LHFPL2: variants seen among roughly 807,000 people sequenced by gnomAD.
LHFPL2 encodes LHFPL tetraspan subfamily member 2 protein.
A neutral mutation model predicts 17.5 loss-of-function variants in LHFPL2; 7 were observed. The observed-to-expected ratio is 0.40, with a 90% CI of 0.23 to 0.75. The LOEUF is 0.75. Ranked by LOEUF, LHFPL2 falls within the 30% of genes least tolerant of loss-of-function variation. The pLI, the probability that LHFPL2 is intolerant of heterozygous loss-of-function variation, is 0.37. For synonymous variants in LHFPL2, 134 were observed against 116.2 expected (o/e 1.15, Z -0.99); for missense variants, 241 against 294.8 (o/e 0.82, Z 1.34).
At chr5:78,534,699 G>A (rs1400847298) in intron 3 of LHFPL2, among the ~76,000 whole-genome samples, 2 of 152,190 alleles carry the variant, frequency 1.3e-5, no homozygotes, top group South Asian at 2.1e-4. Context: ...GTCCGTCACC[G>A]AAGGCCCAGG....
Position 78,510,068 on chromosome 5 carries a change from G to C in LHFPL2, c.146C>G (p.Pro49Arg), listed in dbSNP as rs778626573. ...RSRGGVEPAGPGGGSPEPYHP... is the reference protein window; with the variant it reads ...RSRGGVEPAGRGGGSPEPYHP... ...GTAGGGCTCCGGGGAGCCCCCGCCC[G>C]GGCCCGCCGGCTCCACGCCGCCGCG... Residue 49 changes from proline (P) to arginine (R), a missense_variant, in exon 4 of 5, where the codon CCG becomes CGG. Pro to Arg is a moderately radical substitution (Grantham distance 103). Transcript: ENST00000380345. 2 of 1,610,978 alleles carry C rather than the reference G, an allele frequency of 1.2e-6. No homozygotes were observed. The highest frequency in any genetic ancestry group is 1.7e-5 in the Admixed American group (1 of 59,780).
chr5:78,579,815 T>G (rs1346953560), intron 2 of LHFPL2, among the ~76,000 whole-genome samples: 1 of 152,110 alleles, frequency 6.6e-6, no homozygotes, highest in Non-Finnish European at 1.5e-5. Context: ...CGTGTGCATG[T>G]GTCTTTATAG....
intron 1 of LHFPL2, among the ~76,000 whole-genome samples, chr5:78,642,970 T>TC (rs756734358): frequency 7.9e-5 from 12 of 151,278 alleles, no homozygotes; most frequent in Admixed American, 4.0e-4. Flanking sequence ...CTCACCTTGT[T>TC]CCCCCCCCTC....
chr5:78,543,644 C>A (rs1240174092), intron 3 of LHFPL2, among the ~76,000 whole-genome samples: 1 of 152,196 alleles, frequency 6.6e-6, no homozygotes, highest in African/African-American at 2.4e-5. Context: ...AAGCCCAGGG[C>A]AGCCCCACTA....
chr5:78,539,160 A>G (rs1756033786), intron 3 of LHFPL2, among the ~76,000 whole-genome samples: 1 of 152,152 alleles, frequency 6.6e-6, no homozygotes, highest in African/African-American at 2.4e-5. Flanking sequence ...TTGGGGTTGA[A>G]GGGAGTGCCT....
At chr5:78,494,344 A>G in intron 4 of LHFPL2, 1 of 985,030 alleles carries the variant, frequency 1.0e-6, no homozygotes, top group Non-Finnish European at 1.2e-6. Flanking sequence ...GCCATAGGTC[A>G]CCTGGAGGGC....
rs558447613 is a variant in LHFPL2 at position 78,541,178 on chromosome 5, C to A, written c.-186+23635G>T. ...CAGCCATCCATCACCGCCACTTCAC[C>A]CCAGACTCTAAATCCTCCGCCTTGA... is the stretch of plus-strand genomic sequence containing the variant. On this transcript the variant is annotated intron_variant, in intron 3 of 4. Coordinates refer to ENST00000380345, the MANE Select transcript of LHFPL2 (RefSeq NM_005779.3). 2.5e-4 allele frequency among the ~76,000 whole-genome samples: 38 copies of A among 152,250 alleles called. No homozygotes were observed. In the South Asian group the frequency reaches 7.9e-3, roughly 32 times the overall value.
At position 78,485,406 on chromosome 5, in the gene LHFPL2, CTCAAGTGGCTGTTGAATA is replaced by C. The variant is rs1411218712; in HGVS notation, c.*3473_*3490del. Reference sequence around the variant, plus strand: ...GCTGTAAATACAATTTTATATTTGGCTCAAGTGGCTGTTGAATATCAAGTGGTGCCGAGTCCCTCCAGA... The same window carrying C: ...GCTGTAAATACAATTTTATATTTGGCTCAAGTGGTGCCGAGTCCCTCCAGA... On this transcript the variant is annotated 3_prime_UTR_variant, in exon 5 of 5. Coordinates refer to ENST00000380345, the MANE Select transcript of LHFPL2 (RefSeq NM_005779.3). The C allele has an allele frequency of 6.6e-6, 1 of 152,618 alleles. No homozygotes were observed. The allele number at this position is 152,618 out of a possible 1,614,324, so 9.5% of individuals were successfully genotyped here. A position where few individuals can be genotyped will look rare whatever the true frequency, so the allele number is the denominator to read the frequency against.
At chr5:78,635,247 A>G (rs1421756427) in intron 1 of LHFPL2, among the ~76,000 whole-genome samples, 2 of 152,236 alleles carry the variant, frequency 1.3e-5, no homozygotes, top group Non-Finnish European at 2.9e-5. Flanking sequence ...AACTCTGCAA[A>G]TGTAATGACT....
intron 3 of LHFPL2, among the ~76,000 whole-genome samples, chr5:78,533,260 C>T (rs1755839563): frequency 6.6e-6 from 1 of 152,164 alleles, no homozygotes; most frequent in Non-Finnish European, 1.5e-5. Context: ...AAGATAGAGG[C>T]TGAGGAGCAC....
chr5:78,593,625 A>T (rs1743723072), intron 2 of LHFPL2, among the ~76,000 whole-genome samples: 1 of 152,208 alleles, frequency 6.6e-6, no homozygotes, highest in Non-Finnish European at 1.5e-5. Flanking sequence ...CAATATTTGA[A>T]CAAGCAATGA....
intron 2 of LHFPL2, among the ~76,000 whole-genome samples, chr5:78,610,257 C>T (rs898232604): frequency 6.6e-6 from 1 of 152,202 alleles, no homozygotes; most frequent in African/African-American, 2.4e-5. Flanking sequence ...GCAGGGTCCT[C>T]ATTCAGGAAC....
At chr5:78,528,313 G>A (rs1030786848) in intron 3 of LHFPL2, among the ~76,000 whole-genome samples, 1 of 152,228 alleles carries the variant, frequency 6.6e-6, no homozygotes, top group African/African-American at 2.4e-5. Flanking sequence ...CAGGAGGTGA[G>A]TGGTGGCAAG....
chr5:78,641,801 T>C (rs1242284689), intron 1 of LHFPL2, among the ~76,000 whole-genome samples: 1 of 152,058 alleles, frequency 6.6e-6, no homozygotes, highest in Non-Finnish European at 1.5e-5. Flanking sequence ...TTAACCGTAT[T>C]CAATATTTTG....
intron 2 of LHFPL2, among the ~76,000 whole-genome samples, chr5:78,572,509 T>TACACACAC (rs1189027823): frequency 6.7e-6 from 1 of 149,732 alleles, no homozygotes; most frequent in Non-Finnish European, 1.5e-5. Context: ...TATATATATA[T>TACACACAC]ATACACACAC....
At chr5:78,610,804 A>T (rs1744397161) in intron 2 of LHFPL2, among the ~76,000 whole-genome samples, 1 of 151,928 alleles carries the variant, frequency 6.6e-6, no homozygotes, top group East Asian at 1.9e-4. Context: ...CCTGTGCATT[A>T]CTGAATCATT....
At chr5:78,543,129 G>C (rs921096347) in intron 3 of LHFPL2, among the ~76,000 whole-genome samples, 3 of 152,126 alleles carry the variant, frequency 2.0e-5, no homozygotes, top group African/African-American at 7.2e-5. Context: ...GGGGCTACCA[G>C]AAATTTGCAC....
At chr5:78,609,519 T>C (rs182609617) in intron 2 of LHFPL2, among the ~76,000 whole-genome samples, 2 of 141,096 alleles carry the variant, frequency 1.4e-5, no homozygotes, top group African/African-American at 5.3e-5. Context: ...ATCTATACAA[T>C]GGAATATTCT....
intron 2 of LHFPL2, among the ~76,000 whole-genome samples, chr5:78,619,579 C>T (rs921478236): frequency 2.8e-5 from 4 of 144,704 alleles, no homozygotes; most frequent in African/African-American, 1.0e-4. Context: ...TATACATGTG[C>T]CATGCTGGTG....
Sources: allele counts gnomAD v4.1 joint callset (sites outside exome capture counted in the v4.1 genomes callset), GRCh38; gene constraint gnomAD v4.1.1; transcripts MANE v1.5; gene names NCBI Gene and HGNC (gene_info 2026-07-23, HGNC 2026-07-21).